The following KLHL15 variants were observed in gnomAD, a reference collection of about 807,000 sequenced individuals.
KLHL15 encodes the protein kelch like family member 15.
Under a neutral mutation model 29.3 loss-of-function variants are expected in KLHL15, and 1 was observed. That is an observed-to-expected ratio of 0.03 (90% CI 0.01 to 0.16). The LOEUF (loss-of-function observed/expected upper bound fraction) is 0.16, where lower values mean the gene tolerates loss of function less well. KLHL15 is among the 10% of genes least tolerant of loss of function. KLHL15 has a pLI of 1.00. For synonymous variants in KLHL15, 212 were observed against 184.5 expected, an observed-to-expected ratio of 1.15 and a Z score of -1.21; for missense variants, 215 against 478.5, an observed-to-expected ratio of 0.45 and a Z score of 5.14.
At chrX:24,015,354 T>C (rs897894614) in intron 2 of KLHL15, among the ~76,000 whole-genome samples, 3 of 112,383 alleles carry the variant, frequency 2.7e-5, no homozygotes, top group African/African-American at 9.7e-5. Flanking sequence ...ACTTTTAAAG[T>C]CTCAGCAACG....
At position 23,988,991 on chromosome X, in the gene KLHL15, G is replaced by A; in HGVS notation, c.745C>T (p.Arg249Cys). The A allele has an allele frequency of 8.3e-7, 1 of 1,206,172 alleles. No individual in the cohort carries two copies. The highest frequency in any genetic ancestry group is 1.1e-6 in the Non-Finnish European group (1 of 892,291). Residue 249 changes from arginine (R) to cysteine (C), a missense_variant, in exon 4 of 4, where the codon CGT (arginine) becomes TGT (cysteine). By Grantham distance (180) the Arg-to-Cys change is radical (BLOSUM62 -3). Transcript: ENST00000328046. ...SEFYRYSRQL[R>C]YEVDQALNYF... Reference sequence around the variant, plus strand: ...TTCAATGCTTGGTCAACTTCGTAACGGAGCTGTCGGGAGTATCTATAAAAT... The same window carrying A: ...TTCAATGCTTGGTCAACTTCGTAACAGAGCTGTCGGGAGTATCTATAAAAT...
intron 3 of KLHL15, among the ~76,000 whole-genome samples, chrX:23,998,730 GAAT>G (rs1198528340): frequency 5.4e-5 from 6 of 111,657 alleles, no homozygotes; most frequent in African/African-American, 9.8e-5. Context: ...GGCATTTTCT[GAAT>G]AATAAATTTG....
intron 3 of KLHL15, among the ~76,000 whole-genome samples, chrX:23,995,475 C>CTT (rs1929169847): frequency 2.8e-5 from 2 of 70,793 alleles, no homozygotes; most frequent in African/African-American, 1.9e-4. Context: ...AGTTAGAGTA[C>CTT]ATTTTTTTTT....
intron 3 of KLHL15, among the ~76,000 whole-genome samples, chrX:23,994,062 AG>A (rs1404368363): frequency 9.2e-6 from 1 of 108,266 alleles, no homozygotes; most frequent in East Asian, 2.9e-4. Flanking sequence ...AAAAAAAAAA[AG>A]AAAAAAAGAA....
In KLHL15 at chrX:23,995,002, C is replaced by G. The variant is rs1328016108; in HGVS notation, c.706-5972G>C. ...TGAAAATGTAAATTGTCCATTTCCT[C>G]TAAACATCTTTTACTTTAATTGTGT... On this transcript the variant is annotated intron_variant, in intron 3 of 3. Coordinates refer to ENST00000328046, the MANE Select transcript of KLHL15 (RefSeq NM_030624.3). Among the ~76,000 whole-genome samples, 3 of 111,033 alleles carry G rather than the reference C, an allele frequency of 2.7e-5. No homozygotes were observed. The East Asian group carries it at 8.4e-4, about 31-fold the overall frequency.
intron 2 of KLHL15, among the ~76,000 whole-genome samples, chrX:24,007,657 C>T (rs1328433311): frequency 9.4e-6 from 1 of 106,828 alleles, no homozygotes; most frequent in Non-Finnish European, 1.9e-5. Context: ...ATTTCACAGC[C>T]AAATACTAAA....
intron 2 of KLHL15, among the ~76,000 whole-genome samples, chrX:24,016,534 G>A (rs181538439): frequency 9.2e-6 from 1 of 108,202 alleles, no homozygotes; most frequent in Non-Finnish European, 1.9e-5. Context: ...AGGTGTTGTG[G>A]CTCACGCCTG....
chrX:24,004,375 AAAC>A (rs1447782068), intron 3 of KLHL15, among the ~76,000 whole-genome samples: 6 of 111,741 alleles, frequency 5.4e-5, no homozygotes, highest in African/African-American at 2.0e-4. Flanking sequence ...AACAAAAACA[AAAC>A]AAAACAGGAT....
At position 24,006,252 on chromosome X, in the gene KLHL15, C is replaced by T. The variant is rs748571216; in HGVS notation, c.442G>A (p.Glu148Lys). The change falls in exon 3 of 4, where the codon GAG becomes AAG. Residue 148 changes from glutamate (E) to lysine (K), a missense_variant. Glu to Lys is a moderately conservative substitution (Grantham distance 56, BLOSUM62 1). Coordinates refer to ENST00000328046, the MANE Select transcript of KLHL15 (RefSeq NM_030624.3). Reference sequence around the variant, plus strand: ...GTGTCTAACTTCTCCCTGACTCCCTCGATGTTTACGCCGAAATCATCTAAG... The same window carrying T: ...GTGTCTAACTTCTCCCTGACTCCCTTGATGTTTACGCCGAAATCATCTAAG... ...RLLDDFGVNI[E>K]GVREKLDTFL... 5.8e-6 allele frequency: 7 copies of T among 1,211,332 alleles called. No homozygotes were observed. The South Asian group carries it at 7.0e-5, about 12-fold the overall frequency.
At chrX:24,011,369 G>A (rs1365597048) in intron 2 of KLHL15, among the ~76,000 whole-genome samples, 11 of 106,520 alleles carry the variant, frequency 1.0e-4, no homozygotes, top group Non-Finnish European at 1.9e-4. Flanking sequence ...AGGGCCAGGC[G>A]CCGTGGCTCA....
chrX:23,994,046 CAA>C (rs35880434), intron 3 of KLHL15, among the ~76,000 whole-genome samples: 21 of 57,740 alleles, frequency 3.6e-4, no homozygotes, highest in Admixed American at 1.3e-3. Flanking sequence ...GACCTTGTCT[CAA>C]AAAAAAAAAA....
chrX:24,002,230 CATT>C (rs1383179170), intron 3 of KLHL15, among the ~76,000 whole-genome samples: 2 of 112,278 alleles, frequency 1.8e-5, no homozygotes, highest in African/African-American at 6.5e-5. Context: ...ATAAAACAAT[CATT>C]GTTTTTTAAA....
intron 3 of KLHL15, among the ~76,000 whole-genome samples, chrX:24,001,312 A>T (rs773344485): frequency 8.9e-6 from 1 of 111,741 alleles, no homozygotes; most frequent in African/African-American, 3.2e-5. Context: ...ATGATTATGT[A>T]AGATACTGTA....
intron 2 of KLHL15, among the ~76,000 whole-genome samples, chrX:24,024,430 G>A (rs1473718951): frequency 1.8e-5 from 2 of 111,886 alleles, no homozygotes; most frequent in African/African-American, 6.5e-5. Flanking sequence ...GATGTTGGTA[G>A]TACCGACTAT....
chrX:23,991,562 C>T (rs1365815954), intron 3 of KLHL15, among the ~76,000 whole-genome samples: 1 of 111,111 alleles, frequency 9.0e-6, no homozygotes, highest in East Asian at 2.8e-4. Context: ...CAAAACCAGG[C>T]TGGGCGCGGT....
intron 3 of KLHL15, among the ~76,000 whole-genome samples, chrX:23,991,228 A>G (rs977063786): frequency 9.2e-6 from 1 of 108,471 alleles, no homozygotes; most frequent in Non-Finnish European, 1.9e-5. Context: ...TGGCAGGTAC[A>G]TGTAACTCCA....
intron 2 of KLHL15, 40 bp from the exon 3 acceptor site, chrX:24,006,740 T>G: frequency 1.0e-6 from 1 of 980,901 alleles, no homozygotes; most frequent in Non-Finnish European, 1.4e-6. Flanking sequence ...AACACTTCCA[T>G]GCATTCAGAA....
intron 3 of KLHL15, among the ~76,000 whole-genome samples, chrX:23,997,754 A>AAAT (rs1555975594): frequency 0.05 from 3,349 of 66,941 alleles, 274 homozygotes; most frequent in African/African-American, 0.15. Context: ...AAAAAAAAAA[A>AAAT]TTTTTTTTTT....
intron 3 of KLHL15, among the ~76,000 whole-genome samples, chrX:23,997,871 G>A (rs919083574): frequency 9.2e-6 from 1 of 108,806 alleles, no homozygotes; most frequent in African/African-American, 3.3e-5. Context: ...TTGATGCCAG[G>A]AGACCAGCCA....
Sources: gnomAD v4.1 joint callset for allele counts (sites outside exome capture counted in the v4.1 genomes callset) on GRCh38, gnomAD v4.1.1 for gene constraint, MANE v1.5 for transcripts, NCBI Gene and HGNC (gene_info 2026-07-23, HGNC 2026-07-21) for gene names.